ATR: variants seen among roughly 807,000 people sequenced by gnomAD.
The protein encoded by ATR is ATR checkpoint kinase.
Under a neutral mutation model 305.3 loss-of-function variants are expected in ATR, and 142 were observed. The observed-to-expected ratio is 0.47, with a 90% confidence interval of 0.41 to 0.53. ATR has a LOEUF of 0.53. ATR is among the 20% of genes least tolerant of loss of function. ATR has a pLI of 0.00. For synonymous variants in ATR, 1,050 were observed against 1,068.1 expected (o/e 0.98, Z 0.33); for missense variants, 2,135 against 3,133.1 (o/e 0.68, Z 7.60).
At chr3:142,496,991 T>C (rs1190178632) in intron 33 of ATR, 22 bp downstream of exon 33, 1 of 1,605,552 alleles carries the variant, frequency 6.2e-7, no homozygotes. Flanking sequence ...GTGACATTTT[T>C]AAAAAAAGTA....
At chr3:142,463,109 T>C (rs150918630) in intron 41 of ATR, among the ~76,000 whole-genome samples, 165 of 152,234 alleles carry the variant, frequency 1.1e-3, no homozygotes, top group African/African-American at 3.3e-3. Context: ...TAAAGATCAG[T>C]GTGTGGCCTC....
rs923405131 is a variant in ATR at position 142,460,306 on chromosome 3, AT to A, written c.7193-924del. On this transcript the variant is annotated intron_variant, in intron 42 of 46. Transcript: ENST00000350721. Reference sequence around the variant, plus strand: ...AAATTGAACTTTATCTCTCAAAAAAATATGCTGAAATCCTAATTCTTGGTAC... The same window carrying A: ...AAATTGAACTTTATCTCTCAAAAAAAATGCTGAAATCCTAATTCTTGGTAC... 9.5e-4 allele frequency among the ~76,000 whole-genome samples: 145 copies of A among 152,306 alleles called. 2 individuals are homozygous for A. The highest frequency in any genetic ancestry group is 3.4e-3 in the African/African-American group (140 of 41,594).
chr3:142,544,970 T>C (rs13085998), intron 16 of ATR, among the ~76,000 whole-genome samples: 98,494 of 152,114 alleles, frequency 0.65, 33,237 homozygotes, highest in African/African-American at 0.85. Context: ...TGTATGGTTC[T>C]AGCCTATGTT....
chr3:142,532,646 G>A (rs1577647987), intron 21 of ATR, among the ~76,000 whole-genome samples: 3 of 152,204 alleles, frequency 2.0e-5, no homozygotes, highest in East Asian at 3.9e-4. Context: ...CTATACCAGC[G>A]ATCATCTTAT....
chr3:142,524,056 C>T lies in ATR; in HGVS notation c.4089G>A (p.Ala1363=), dbSNP rs765055258. ...LCGECLGELG[A]IDPGRLDFST... ...AGAAATCTAATCGACCTGGATCTAT[C>T]GCCCCCAATTCCCCTAAACATTCCC... Residue 1363 remains alanine (A), a synonymous_variant, in exon 22 of 47, where the codon GCG becomes GCA. Transcript: ENST00000350721. The T allele has an allele frequency of 1.4e-5, 23 of 1,613,990 alleles. No individual in the cohort carries two copies. Among genetic ancestry groups the T allele is most frequent in the African/African-American group, 2.7e-5 (2 of 74,916 alleles).
chr3:142,541,028 T>G lies in ATR; in HGVS notation c.3457A>C (p.Asn1153His), dbSNP rs1442649106. 6.2e-7 allele frequency: 1 copy of G among 1,613,632 alleles called. No homozygotes were observed. Among genetic ancestry groups the G allele is most frequent in the East Asian group, 2.2e-5 (1 of 44,864 alleles). Residue 1153 changes from asparagine to histidine, a missense_variant, in exon 18 of 47, where the codon AAC becomes CAC. Physicochemically the swap from Asn to His is moderately conservative, Grantham distance 68. Coordinates refer to ENST00000350721, the MANE Select transcript of ATR (RefSeq NM_001184.4). Reference protein sequence around the residue: ...VGIEDKKMALNSLMSLMKLMG... With the variant: ...VGIEDKKMALHSLMSLMKLMG... Reference sequence around the variant, plus strand: ...AACTTCATCAAAGACATCAAACTGTTCAAGGCCTATAGAGTTAAGTAGTGC... The same window carrying G: ...AACTTCATCAAAGACATCAAACTGTGCAAGGCCTATAGAGTTAAGTAGTGC...
intron 32 of ATR, among the ~76,000 whole-genome samples, 188 bp from the exon 33 acceptor site, chr3:142,497,380 A>G (rs1271603541): frequency 6.6e-6 from 1 of 152,080 alleles, no homozygotes; most frequent in Admixed American, 6.6e-5. Context: ...GTAAACACCA[A>G]TTTATGCTGG....
At chr3:142,508,401 T>G (rs760774147) in intron 27 of ATR, among the ~76,000 whole-genome samples, 1 of 152,144 alleles carries the variant, frequency 6.6e-6, no homozygotes, top group Non-Finnish European at 1.5e-5. Flanking sequence ...ACGTTGTTGG[T>G]GAGGATTAAA....
In ATR at chr3:142,459,211, A is replaced by G. The variant is rs775588375; in HGVS notation, c.7349+16T>C. On this transcript the variant is annotated intron_variant, in intron 43 of 46. Transcript: ENST00000350721. ...ACATTCAACCATAACAACGTATTAT[A>G]TTCTTGGTAACTTACCATGATGTAG... 6.2e-7 allele frequency: 1 copy of G among 1,613,898 alleles called. No homozygotes were observed. Among genetic ancestry groups the G allele is most frequent in the East Asian group, 2.2e-5 (1 of 44,864 alleles).
chr3:142,496,323 TATATATATATATATGATGAC>T lies in ATR; in HGVS notation c.5898+18_5898+37del. Reference sequence around the variant, plus strand: ...ATATATATATATATATATATATATATATATATATATATATGATGACATTTCCCTGGCCATTACCTTGGACC... The same window carrying T: ...ATATATATATATATATATATATATATATTTCCCTGGCCATTACCTTGGACC... On this transcript the variant is annotated intron_variant, in intron 34 of 46. Transcript: ENST00000350721. 1 of 308,838 alleles carries T rather than the reference TATATATATATATATGATGAC, an allele frequency of 3.2e-6. No homozygotes were observed. 19.1% of individuals were successfully genotyped at this position (308,838 alleles called of 1,614,324 possible).
At chr3:142,486,959 CAAAAAAAAAA>C (rs60024459) in intron 35 of ATR, among the ~76,000 whole-genome samples, 14 of 69,704 alleles carry the variant, frequency 2.0e-4, no homozygotes, top group Non-Finnish European at 3.3e-4. Flanking sequence ...ACTAAAAATA[CAAAAAAAAAA>C]AAAAAAAAAA....
Position 142,561,224 on chromosome 3 carries a change from T to A in ATR, c.1349+19A>T. The A allele has an allele frequency of 6.2e-7, 1 of 1,610,028 alleles. No homozygotes were observed. Among genetic ancestry groups the A allele is most frequent in the Non-Finnish European group, 8.5e-7 (1 of 1,176,508 alleles). On this transcript the variant is annotated intron_variant, in intron 5 of 46. Coordinates refer to ENST00000350721, the MANE Select transcript of ATR (RefSeq NM_001184.4). Reference sequence around the variant, plus strand: ...TTTTATTTAATGGCTAAATACAAACTGAATGAAGGTCATCATACTCCTCAG... The same window carrying A: ...TTTTATTTAATGGCTAAATACAAACAGAATGAAGGTCATCATACTCCTCAG...
intron 38 of ATR, 138 bp downstream of exon 38, chr3:142,469,199 T>C: frequency 3.1e-6 from 2 of 636,500 alleles, no homozygotes; most frequent in Non-Finnish European, 5.2e-6. Flanking sequence ...TTTCTCTCTT[T>C]AAAAAAATAT....
intron 3 of ATR, among the ~76,000 whole-genome samples, chr3:142,565,857 A>G (rs2035052820): frequency 6.6e-6 from 1 of 152,118 alleles, no homozygotes; most frequent in African/African-American, 2.4e-5. Flanking sequence ...AGAGATTACC[A>G]AAAACAGAAA....
chr3:142,516,237 C>T (rs2032855531), intron 24 of ATR, among the ~76,000 whole-genome samples: 1 of 152,124 alleles, frequency 6.6e-6, no homozygotes, highest in Admixed American at 6.5e-5. Context: ...TGGTCCTTCA[C>T]TTCTAGCATT....
intron 25 of ATR, among the ~76,000 whole-genome samples, chr3:142,514,204 C>T (rs968812289): frequency 3.3e-5 from 5 of 151,550 alleles, no homozygotes; most frequent in East Asian, 1.9e-4. Context: ...ACCCGGGAGG[C>T]GGAGGTTGCA....
rs1376245342 is a variant in ATR, at chr3:142,536,179, G to T, written c.3748C>A (p.His1250Asn). 6.3e-7 allele frequency: 1 copy of T among 1,589,264 alleles called. No homozygotes were observed. Residue 1250 changes from histidine (H) to asparagine (N), a missense_variant, in exon 20 of 47, where the codon CAT becomes AAT. His to Asn is a moderately conservative substitution (Grantham distance 68, BLOSUM62 1). Transcript: ENST00000350721. ...ENRDAVQDFL[H>N]EIYFLPDHPE... ...TGATCAGGTAAAAAATATATTTCAT[G>T]AAGAAAATCTTGCACAGCATCCCTA...
chr3:142,484,111 T>G (rs1050203510), intron 36 of ATR, among the ~76,000 whole-genome samples: 10 of 152,092 alleles, frequency 6.6e-5, no homozygotes, highest in African/African-American at 2.2e-4. Context: ...ACAGAATCTC[T>G]CTCTATGAGC....
At chr3:142,519,603 A>T in intron 24 of ATR, 66 bp downstream of exon 24, 1 of 1,423,338 alleles carries the variant, frequency 7.0e-7, no homozygotes, top group Non-Finnish European at 9.8e-7. Context: ...CCCGGCCAAA[A>T]AAATCGCATT....
Sources: allele counts gnomAD v4.1 joint callset (sites outside exome capture counted in the v4.1 genomes callset), GRCh38; gene constraint gnomAD v4.1.1; transcripts MANE v1.5; gene names NCBI Gene and HGNC (gene_info 2026-07-23, HGNC 2026-07-21).